MXI1: variants seen among roughly 807,000 people sequenced by gnomAD.
The protein encoded by MXI1 is MAX interactor 1, dimerization protein, also known as max-interacting protein 1.
Under a neutral mutation model 36.9 loss-of-function variants are expected in MXI1, and 18 were observed. That is an observed-to-expected ratio of 0.49 (90% CI 0.34 to 0.72). MXI1 has a LOEUF of 0.72. Among genes scored for constraint, MXI1 ranks in the 30% least tolerant of loss-of-function variants. MXI1 has a pLI of 0.01. For missense variants in MXI1, 304 were observed against 379.1 expected (o/e 0.80, Z 1.64); for synonymous variants, 160 against 146.7 (o/e 1.09, Z -0.65).
intron 3 of MXI1, among the ~76,000 whole-genome samples, chr10:110,277,845 T>C (rs550361242): frequency 5.3e-5 from 8 of 152,346 alleles, no homozygotes; most frequent in Admixed American, 4.6e-4. Flanking sequence ...TGTCATGACA[T>C]AATTGGCTGC....
chr10:110,279,284 C>A lies in MXI1; in HGVS notation c.542C>A (p.Ala181Glu), dbSNP rs1427080997. The A allele has an allele frequency of 1.9e-6, 3 of 1,613,884 alleles. No homozygotes were observed. Among genetic ancestry groups the A allele is most frequent in the Non-Finnish European group, 2.5e-6 (3 of 1,179,748 alleles). The change falls in exon 4 of 6, where the codon GCA becomes GAA. Residue 181 changes from alanine to glutamate, a missense_variant. This residue lies in a region of MXI1 where 125 missense variants were observed against 194.3 expected (regional missense o/e 0.64). Coordinates refer to ENST00000332674, the MANE Select transcript of MXI1 (RefSeq NM_130439.3). ...TTLGLLNKAK[A>E]HIKKLEEAER... Reference sequence around the variant, plus strand: ...CTTGGTTTGCTCAACAAAGCCAAAGCACACATCAAGGTGAGAATTTTTACT... The same window carrying A: ...CTTGGTTTGCTCAACAAAGCCAAAGAACACATCAAGGTGAGAATTTTTACT...
intron 5 of MXI1, among the ~76,000 whole-genome samples, chr10:110,284,375 A>C (rs1590417646): frequency 6.6e-6 from 1 of 152,280 alleles, no homozygotes; most frequent in African/African-American, 2.4e-5. Flanking sequence ...GCACCACCAA[A>C]GGCTTGGATG....
chr10:110,217,891 T>A (rs1314539603), intron 1 of MXI1, among the ~76,000 whole-genome samples: 1 of 152,198 alleles, frequency 6.6e-6, no homozygotes, highest in African/African-American at 2.4e-5. Context: ...GATAATGCCC[T>A]CCTAGTATTG....
chr10:110,249,761 T>C (rs946328899), intron 3 of MXI1, among the ~76,000 whole-genome samples: 2 of 152,108 alleles, frequency 1.3e-5, no homozygotes, highest in Non-Finnish European at 2.9e-5. Context: ...GATTATGATA[T>C]AAAATACTGT....
intron 3 of MXI1, among the ~76,000 whole-genome samples, chr10:110,277,197 G>C (rs1370754852): frequency 2.6e-5 from 4 of 152,148 alleles, no homozygotes. Context: ...ATATACTGAA[G>C]TTTTGGAGTT....
chr10:110,270,279 T>G (rs1856815140), intron 3 of MXI1, among the ~76,000 whole-genome samples: 1 of 152,242 alleles, frequency 6.6e-6, no homozygotes, highest in Non-Finnish European at 1.5e-5. Flanking sequence ...TCTTTTTAAC[T>G]AAATCCTTAT....
At chr10:110,218,442 T>TC (rs564179743) in intron 1 of MXI1, among the ~76,000 whole-genome samples, 3 of 121,326 alleles carry the variant, frequency 2.5e-5, no homozygotes, top group Non-Finnish European at 4.7e-5. Flanking sequence ...AGAGTAAGAC[T>TC]CCATCTCAAA....
chr10:110,267,615 G>T (rs1856719315), intron 3 of MXI1, among the ~76,000 whole-genome samples: 1 of 152,022 alleles, frequency 6.6e-6, no homozygotes, highest in Admixed American at 6.6e-5. Context: ...TTTTTGATTA[G>T]AAATCCCATC....
chr10:110,214,064 A>G (rs1416195986), intron 1 of MXI1, among the ~76,000 whole-genome samples: 3 of 152,238 alleles, frequency 2.0e-5, no homozygotes, highest in Non-Finnish European at 4.4e-5. Context: ...TAATTTGCCC[A>G]AAGGATATAT....
At chr10:110,244,008 G>T (rs1855767549) in intron 2 of MXI1, among the ~76,000 whole-genome samples, 1 of 152,034 alleles carries the variant, frequency 6.6e-6, no homozygotes, top group Admixed American at 6.6e-5. Flanking sequence ...ACTCTTGGGA[G>T]AGGAGTATAT....
intron 1 of MXI1, among the ~76,000 whole-genome samples, chr10:110,223,267 C>A (rs1207103510): frequency 6.6e-6 from 1 of 152,198 alleles, no homozygotes; most frequent in East Asian, 1.9e-4. Context: ...TACTACTTTT[C>A]TTGATTGCTT....
chr10:110,248,989 C>T (rs1855971958), intron 3 of MXI1, among the ~76,000 whole-genome samples: 1 of 152,108 alleles, frequency 6.6e-6, no homozygotes, highest in Non-Finnish European at 1.5e-5. Context: ...GAAGGTGGCA[C>T]AGGAATATTT....
Position 110,207,769 on chromosome 10 carries a change from G to A in MXI1, c.-40G>A. On this transcript the variant is annotated 5_prime_UTR_variant, in exon 1 of 6. Coordinates refer to ENST00000332674, the MANE Select transcript of MXI1 (RefSeq NM_130439.3). ...GCCCGGAGCTCGGCCGGGCCGCGCA[G>A]CCCCGTTAGAGGACGAGCTCGGCGG... 1 of 1,129,406 alleles carries A rather than the reference G, an allele frequency of 8.9e-7. No individual in the cohort carries two copies. The highest frequency in any genetic ancestry group is 1.1e-6 in the Non-Finnish European group (1 of 919,542). 70.0% of individuals were successfully genotyped at this position (1,129,406 alleles called of 1,614,324 possible).
intron 1 of MXI1, among the ~76,000 whole-genome samples, chr10:110,218,461 A>G (rs962123348): frequency 4.6e-5 from 7 of 151,970 alleles, no homozygotes; most frequent in Non-Finnish European, 1.5e-5. Flanking sequence ...AAAAAAAAAA[A>G]AAGATTTGGA....
At chr10:110,280,679 CAA>C (rs754769947) in intron 5 of MXI1, among the ~76,000 whole-genome samples, 18 of 117,700 alleles carry the variant, frequency 1.5e-4, no homozygotes, top group Non-Finnish European at 8.9e-5. Context: ...GGTTCCGTCT[CAA>C]AAAAAAAAAA....
At chr10:110,212,671 C>T (rs1428761417) in intron 1 of MXI1, among the ~76,000 whole-genome samples, 4 of 152,218 alleles carry the variant, frequency 2.6e-5, no homozygotes, top group African/African-American at 4.8e-5. Flanking sequence ...ACACAACTTA[C>T]TTAGCCTGAG....
intron 1 of MXI1, among the ~76,000 whole-genome samples, chr10:110,224,370 GC>G (rs1854900868): frequency 6.6e-6 from 1 of 152,180 alleles, no homozygotes. Flanking sequence ...GGGATTTTGT[GC>G]CCCAGGAGAT....
chr10:110,222,502 T>C (rs1331150581), intron 1 of MXI1, among the ~76,000 whole-genome samples: 1 of 152,196 alleles, frequency 6.6e-6, no homozygotes, highest in Non-Finnish European at 1.5e-5. Flanking sequence ...AAAGGACCCT[T>C]AAGAATTGAG....
intron 3 of MXI1, among the ~76,000 whole-genome samples, chr10:110,276,157 TTA>T (rs1857020755): frequency 6.6e-6 from 1 of 152,232 alleles, no homozygotes; most frequent in South Asian, 2.1e-4. Flanking sequence ...ATTTTAAATT[TTA>T]TGTTTAAACT....
Sources: allele counts gnomAD v4.1 joint callset (sites outside exome capture counted in the v4.1 genomes callset), GRCh38; gene constraint gnomAD v4.1.1; regional missense constraint gnomAD v4.1.1; transcripts MANE v1.5; gene names NCBI Gene and HGNC (gene_info 2026-07-23, HGNC 2026-07-21).